The following ARL14EPL variants were observed in gnomAD, a reference collection of about 807,000 sequenced individuals.
The protein encoded by ARL14EPL is ARL14 effector protein-like.
ARL14EPL carries 17 observed loss-of-function variants against 15.9 expected under a neutral mutation model. The observed-to-expected ratio is 1.07, with a 90% confidence interval of 0.73 to 1.60. ARL14EPL has a LOEUF of 1.60. Among genes scored for constraint, ARL14EPL ranks in the 40% most tolerant of loss-of-function variants. The pLI is 0.00. For missense variants in ARL14EPL, 214 were observed against 185.9 expected, an observed-to-expected ratio of 1.15 and a Z score of -0.88; for synonymous variants, 78 against 63.8, an observed-to-expected ratio of 1.22 and a Z score of -1.06.
intron 3 of ARL14EPL, among the ~76,000 whole-genome samples, chr5:116,055,673 G>A (rs1390694002): frequency 2.0e-5 from 3 of 151,616 alleles, no homozygotes; most frequent in Middle Eastern, 6.9e-3. Context: ...TATACTTTAA[G>A]TTCTAGGGTA....
intron 3 of ARL14EPL, among the ~76,000 whole-genome samples, chr5:116,057,434 A>C (rs1272248515): frequency 6.6e-6 from 1 of 152,024 alleles, no homozygotes; most frequent in African/African-American, 2.4e-5. Context: ...AAAAAAAAGC[A>C]TCAAATGGGC....
At chr5:116,038,462 T>C (rs1749088994) in intron 1 of ARL14EPL, among the ~76,000 whole-genome samples, 1 of 152,234 alleles carries the variant, frequency 6.6e-6, no homozygotes, top group Non-Finnish European at 1.5e-5. Flanking sequence ...TAGAATTTAG[T>C]GTCAGGCTAA....
At chr5:116,052,045 G>T (rs1580416125) in intron 2 of ARL14EPL, 3 of 1,612,176 alleles carry the variant, frequency 1.9e-6, no homozygotes, top group Admixed American at 3.3e-5. Flanking sequence ...TGGCCAGGGA[G>T]CCTCGAATCT....
At chr5:116,052,508 C>G (rs1580416552) in intron 2 of ARL14EPL, among the ~76,000 whole-genome samples, 1 of 152,174 alleles carries the variant, frequency 6.6e-6, no homozygotes, top group Non-Finnish European at 1.5e-5. Flanking sequence ...GCAATTTGCT[C>G]AAGGCCCACC....
chr5:116,059,376 A>T lies in ARL14EPL; in HGVS notation c.*429A>T, dbSNP rs1749595635. 1 of 166,544 alleles carries T rather than the reference A, an allele frequency of 6.0e-6. No homozygotes were observed. The highest frequency in any genetic ancestry group is 2.4e-5 in the African/African-American group (1 of 41,638). The allele number at this position is 166,544 out of a possible 1,614,324, so 10.3% of individuals were successfully genotyped here. ...AGAATCTTATACATCACTAGCTGTAAATCAGAATTGCCATTTGGATTTTGA... is the reference window on the plus strand; with the variant it reads ...AGAATCTTATACATCACTAGCTGTATATCAGAATTGCCATTTGGATTTTGA... On this transcript the variant is annotated 3_prime_UTR_variant, in exon 4 of 4. Coordinates refer to ENST00000686077, the MANE Select transcript of ARL14EPL (RefSeq NM_001195581.2).
chr5:116,032,683 G>A (rs1053796552), intron 1 of ARL14EPL, among the ~76,000 whole-genome samples, 178 bp downstream of exon 1: 1 of 152,172 alleles, frequency 6.6e-6, no homozygotes, highest in Non-Finnish European at 1.5e-5. Flanking sequence ...AAAAACCGTA[G>A]TGTATATAGA....
At chr5:116,046,074 C>T (rs1241758303) in intron 1 of ARL14EPL, among the ~76,000 whole-genome samples, 1 of 152,140 alleles carries the variant, frequency 6.6e-6, no homozygotes, top group African/African-American at 2.4e-5. Flanking sequence ...GATTGACTCA[C>T]CTGTCAATTA....
chr5:116,044,258 G>A (rs1580412830), intron 1 of ARL14EPL, among the ~76,000 whole-genome samples: 3 of 152,052 alleles, frequency 2.0e-5, no homozygotes, highest in African/African-American at 4.8e-5. Context: ...TATAATTCAC[G>A]AGTGAACAGA....
At chr5:116,053,428 T>A (rs1475191346) in intron 2 of ARL14EPL, among the ~76,000 whole-genome samples, 2 of 151,276 alleles carry the variant, frequency 1.3e-5, no homozygotes, top group Non-Finnish European at 2.9e-5. Flanking sequence ...CCCTAGAAAG[T>A]CATCCTAGCA....
At chr5:116,043,420 T>C (rs796259859) in intron 1 of ARL14EPL, among the ~76,000 whole-genome samples, 2 of 152,224 alleles carry the variant, frequency 1.3e-5, no homozygotes, top group East Asian at 1.9e-4. Context: ...TGAAAAAATA[T>C]AATTTTATAG....
At position 116,054,117 on chromosome 5, in the gene ARL14EPL, T is replaced by A. The variant is rs1411930768; in HGVS notation, c.200T>A (p.Met67Lys). Residue 67 changes from methionine to lysine, a missense_variant, in exon 3 of 4, where the codon ATG (methionine) becomes AAG (lysine). Physicochemically the swap from Met to Lys is moderately conservative, Grantham distance 95. Transcript: ENST00000686077. ...AGGCAGCAGAAAAAGAAAGCCCGGA[T>A]GTCAAAGATGAATGAATATTTTTCT... ...ETRQQKKKAR[M>K]SKMNEYFSTK... 3.3e-6 allele frequency: 5 copies of A among 1,535,570 alleles called. No homozygotes were observed. In the African/African-American group the frequency reaches 6.8e-5, roughly 21 times the overall value.
chr5:116,033,896 C>T (rs7707502), intron 1 of ARL14EPL, among the ~76,000 whole-genome samples: 4,690 of 152,202 alleles, frequency 0.031, 221 homozygotes, highest in African/African-American at 0.1. Flanking sequence ...AGCTGAACTG[C>T]GCTTTAATTA....
intron 1 of ARL14EPL, among the ~76,000 whole-genome samples, chr5:116,039,508 A>G (rs1007561945): frequency 1.3e-5 from 2 of 152,228 alleles, no homozygotes; most frequent in Non-Finnish European, 1.5e-5. Context: ...AGATAGAGAT[A>G]TGATAAAAGG....
intron 1 of ARL14EPL, among the ~76,000 whole-genome samples, chr5:116,046,006 G>T (rs1427700050): frequency 6.6e-6 from 1 of 152,148 alleles, no homozygotes; most frequent in Non-Finnish European, 1.5e-5. Flanking sequence ...GCAAGGGAAT[G>T]ACTTAATTGA....
chr5:116,035,491 T>C (rs1749032180), intron 1 of ARL14EPL, among the ~76,000 whole-genome samples: 1 of 152,212 alleles, frequency 6.6e-6, no homozygotes. Context: ...ATCGGCTTTT[T>C]TGACTGCGAA....
At chr5:116,047,306 G>A (rs1749286047) in intron 1 of ARL14EPL, among the ~76,000 whole-genome samples, 1 of 152,170 alleles carries the variant, frequency 6.6e-6, no homozygotes, top group Admixed American at 6.5e-5. Context: ...ATTATTTAAA[G>A]TGCATGCTTT....
Position 116,059,053 on chromosome 5 carries a change from C to A in ARL14EPL, c.*106C>A. ...TTGGGGGAAATATCGAAAAAACATA[C>A]TGAAGACTCATGTTCTGTCAAGCCC... On this transcript the variant is annotated 3_prime_UTR_variant, in exon 4 of 4. Transcript: ENST00000686077. The A allele has an allele frequency of 9.7e-7, 1 of 1,029,064 alleles. No individual in the cohort carries two copies. Among genetic ancestry groups the A allele is most frequent in the Non-Finnish European group, 1.4e-6 (1 of 701,390 alleles). 63.7% of individuals were successfully genotyped at this position (1,029,064 alleles called of 1,614,324 possible).
At chr5:116,038,270 A>G (rs1390684821) in intron 1 of ARL14EPL, among the ~76,000 whole-genome samples, 3 of 152,268 alleles carry the variant, frequency 2.0e-5, no homozygotes, top group African/African-American at 7.2e-5. Flanking sequence ...TCCTGCCTTG[A>G]AGTGGGAGAG....
chr5:116,056,264 A>C (rs1470935395), intron 3 of ARL14EPL, among the ~76,000 whole-genome samples: 1 of 152,152 alleles, frequency 6.6e-6, no homozygotes, highest in Admixed American at 6.5e-5. Context: ...TGTCCCACCA[A>C]CAGTGTAAAA....
Sources: gnomAD v4.1 joint callset for allele counts (sites outside exome capture counted in the v4.1 genomes callset) on GRCh38, gnomAD v4.1.1 for gene constraint, MANE v1.5 for transcripts, NCBI Gene and HGNC (gene_info 2026-07-23, HGNC 2026-07-21) for gene names.